ZNF143: variants seen among roughly 807,000 people sequenced by gnomAD.
ZNF143 encodes zinc finger protein 143.
ZNF143 carries 49 observed loss-of-function variants against 74.1 expected under a neutral mutation model. The observed-to-expected ratio is 0.66, with a 90% CI of 0.53 to 0.84. ZNF143 has a LOEUF of 0.84. Ranked by LOEUF, ZNF143 falls within the 40% of genes least tolerant of loss-of-function variation. ZNF143 has a pLI of 0.00. For missense variants in ZNF143, 637 were observed against 793.4 expected (o/e 0.80, Z 2.37); for synonymous variants, 304 against 282.8 (o/e 1.07, Z -0.75).
rs1165397620 is a variant in ZNF143, at chr11:9,527,798, C to A, written c.*185C>A. 1.8e-6 allele frequency: 1 copy of A among 561,876 alleles called. No individual in the cohort carries two copies. Among genetic ancestry groups the A allele is most frequent in the Admixed American group, 3.1e-5 (1 of 32,088 alleles). 34.8% of individuals were successfully genotyped at this position (561,876 alleles called of 1,614,324 possible). A position where few individuals can be genotyped will look rare whatever the true frequency, so the allele number is the denominator to read the frequency against. ...GTGTATATAACCCTTGGAATAGATTCTCAGAGTGATTCATTGTGTACAAGG... is the reference window on the plus strand; with the variant it reads ...GTGTATATAACCCTTGGAATAGATTATCAGAGTGATTCATTGTGTACAAGG... On this transcript the variant is annotated 3_prime_UTR_variant, in exon 16 of 16. Transcript: ENST00000396602.
intron 12 of ZNF143, among the ~76,000 whole-genome samples, chr11:9,510,413 C>T (rs530377019): frequency 1.3e-5 from 2 of 152,036 alleles, no homozygotes; most frequent in South Asian, 2.1e-4. Flanking sequence ...CGTGAGCCAC[C>T]GTACCCAGCC....
At chr11:9,486,354 A>ATATATATAATATATATAATATAT in intron 7 of ZNF143, among the ~76,000 whole-genome samples, 2 of 57,000 alleles carry the variant, frequency 3.5e-5, no homozygotes, top group African/African-American at 7.1e-5. Flanking sequence ...TATATATATT[A>ATATATATAATATATATAATATAT]TATATATATT....
rs1425564669 is a variant in ZNF143, at chr11:9,499,297, C to T, written c.967+1497C>T. Among the ~76,000 whole-genome samples, 3 of 152,094 alleles carry T rather than the reference C, an allele frequency of 2.0e-5. No homozygotes were observed. The East Asian group carries it at 5.8e-4, about 29-fold the overall frequency. ...GAGTAGTAATACAGTGAAAATTATC[C>T]TAGAACAGTTGATTCCCTATCATAG... On this transcript the variant is annotated intron_variant, in intron 10 of 15. Coordinates refer to ENST00000396602, the MANE Select transcript of ZNF143 (RefSeq NM_003442.6).
At chr11:9,519,633 C>G (rs1336768126) in intron 14 of ZNF143, among the ~76,000 whole-genome samples, 3 of 152,076 alleles carry the variant, frequency 2.0e-5, no homozygotes, top group Non-Finnish European at 4.4e-5. Context: ...TATATTCTCC[C>G]CTTGGTGAAC....
intron 7 of ZNF143, among the ~76,000 whole-genome samples, chr11:9,491,097 A>G (rs547359181): frequency 2.6e-5 from 4 of 152,158 alleles, no homozygotes; most frequent in Non-Finnish European, 5.9e-5. Context: ...GATATATTTC[A>G]CATACTAGCT....
At chr11:9,471,190 T>A in intron 1 of ZNF143, 112 bp from the exon 2 acceptor site, 1 of 852,338 alleles carries the variant, frequency 1.2e-6, no homozygotes, top group Non-Finnish European at 1.8e-6. Context: ...TTTCATCTTA[T>A]TTCCAACACC....
intron 9 of ZNF143, 104 bp from the exon 10 acceptor site, chr11:9,497,571 A>G (rs1312725786): frequency 2.2e-6 from 2 of 909,758 alleles, no homozygotes; most frequent in African/African-American, 3.5e-5. Flanking sequence ...TATTTGCCTG[A>G]TATTTTATAC....
At chr11:9,496,423 C>A in intron 9 of ZNF143, 45 bp downstream of exon 9, 1 of 1,517,936 alleles carries the variant, frequency 6.6e-7, no homozygotes, top group Non-Finnish European at 9.1e-7. Context: ...AATTAGGGGT[C>A]AAGTAGAGAC....
intron 7 of ZNF143, among the ~76,000 whole-genome samples, chr11:9,489,188 G>A (rs1385146584): frequency 2.0e-5 from 3 of 152,150 alleles, no homozygotes; most frequent in East Asian, 3.8e-4. Flanking sequence ...TTGTGAGAAT[G>A]CCTTTAAGAG....
At position 9,523,226 on chromosome 11, in the gene ZNF143, G is replaced by T. The variant is rs544476005; in HGVS notation, c.1687-2014G>T. 9.9e-5 allele frequency among the ~76,000 whole-genome samples: 15 copies of T among 152,162 alleles called. No individual in the cohort carries two copies. The South Asian group carries it at 2.5e-3, about 25-fold the overall frequency. ...CTGGGTTTTGTACTTTGTTAAGGCA[G>T]GTCTGTTTCAGTGTTGCTATAAGGT... On this transcript the variant is annotated intron_variant, in intron 14 of 15. Transcript: ENST00000396602.
chr11:9,475,046 CCAGCTAGTTTTTT>C (rs964198654), intron 5 of ZNF143, among the ~76,000 whole-genome samples: 2 of 151,904 alleles, frequency 1.3e-5, no homozygotes, highest in African/African-American at 4.8e-5. Context: ...GCTGCCTCTC[CCAGCTAGTTTTTT>C]CATTTTTTGT....
At chr11:9,521,688 G>A (rs1848935694) in intron 14 of ZNF143, among the ~76,000 whole-genome samples, 1 of 151,216 alleles carries the variant, frequency 6.6e-6, no homozygotes, top group Non-Finnish European at 1.5e-5. Flanking sequence ...TTTTGTTTTT[G>A]TAAGTTTGTC....
chr11:9,491,196 A>G (rs1229381164), intron 7 of ZNF143, among the ~76,000 whole-genome samples: 1 of 152,164 alleles, frequency 6.6e-6, no homozygotes, highest in East Asian at 1.9e-4. Flanking sequence ...TCTAGTGTGG[A>G]CAACATAGCA....
In ZNF143 at chr11:9,474,582, G is replaced by A. The variant is rs1856773777; in HGVS notation, c.322G>A (p.Ala108Thr). The A allele has an allele frequency of 5.6e-6, 9 of 1,614,048 alleles. No homozygotes were observed. The highest frequency in any genetic ancestry group is 1.7e-5 in the Admixed American group (1 of 60,000). ...GDSLRLEDGQ[A>T]VQLEDGTTAF... ...CAGTTTGCGTCTAGAGGATGGTCAAGCAGTACAGTTAGAAGATGGTACCAC... is the reference window on the plus strand; with the variant it reads ...CAGTTTGCGTCTAGAGGATGGTCAAACAGTACAGTTAGAAGATGGTACCAC... Residue 108 changes from alanine (A) to threonine (T), a missense_variant, in exon 5 of 16, where the codon GCA becomes ACA. Physicochemically the swap from Ala to Thr is moderately conservative, Grantham distance 58 (BLOSUM62 0). Transcript: ENST00000396602.
intron 13 of ZNF143, among the ~76,000 whole-genome samples, 157 bp downstream of exon 13, chr11:9,512,753 A>G (rs1198121620): frequency 1.3e-5 from 2 of 152,214 alleles, no homozygotes; most frequent in African/African-American, 2.4e-5. Context: ...GACTACGTGC[A>G]GAGAGATTAG....
intron 10 of ZNF143, among the ~76,000 whole-genome samples, chr11:9,499,659 C>T (rs576706535): frequency 7.9e-5 from 12 of 152,280 alleles, no homozygotes; most frequent in East Asian, 1.9e-4. Context: ...GTGCAACCAT[C>T]GTGCCTGTGA....
chr11:9,461,697 T>C (rs1378543046), intron 1 of ZNF143: 2 of 152,238 alleles, frequency 1.3e-5, no homozygotes, highest in Admixed American at 1.3e-4. Context: ...TTTACAATTT[T>C]ATCCTCCCTT....
chr11:9,509,075 T>C (rs982868156), intron 12 of ZNF143, among the ~76,000 whole-genome samples: 3 of 152,116 alleles, frequency 2.0e-5, no homozygotes, highest in Non-Finnish European at 4.4e-5. Flanking sequence ...TGGAGAGATC[T>C]TGAGGTTGAA....
intron 12 of ZNF143, among the ~76,000 whole-genome samples, chr11:9,509,189 G>A (rs1848458891): frequency 6.6e-6 from 1 of 152,202 alleles, no homozygotes; most frequent in Non-Finnish European, 1.5e-5. Flanking sequence ...CAGAAAGCCA[G>A]GAGGTTGGAG....
Sources: gnomAD v4.1 joint callset for allele counts (sites outside exome capture counted in the v4.1 genomes callset) on GRCh38, gnomAD v4.1.1 for gene constraint, MANE v1.5 for transcripts, NCBI Gene and HGNC (gene_info 2026-07-23, HGNC 2026-07-21) for gene names.